MAPK4: variants seen among roughly 807,000 people sequenced by gnomAD.
MAPK4 encodes mitogen-activated protein kinase 4.
In MAPK4, 22 loss-of-function variants were observed where a neutral mutation model predicts 47.7. The observed-to-expected ratio is 0.46, with a 90% confidence interval of 0.33 to 0.66. The LOEUF is 0.66. Ranked by LOEUF, MAPK4 falls within the 30% of genes least tolerant of loss-of-function variation. MAPK4 has a pLI of 0.02. For missense variants in MAPK4, 736 were observed against 831.7 expected (o/e 0.88, Z 1.42); for synonymous variants, 390 against 365.7 (o/e 1.07, Z -0.76).
chr18:50,580,535 C>T (rs1180391995), intron 1 of MAPK4, among the ~76,000 whole-genome samples: 2 of 152,192 alleles, frequency 1.3e-5, no homozygotes, highest in African/African-American at 4.8e-5. Flanking sequence ...AATGTTTGTA[C>T]AAATGCCCAA....
intron 1 of MAPK4, among the ~76,000 whole-genome samples, chr18:50,639,665 A>G (rs2042921051): frequency 2.6e-5 from 4 of 152,240 alleles, no homozygotes; most frequent in Admixed American, 2.6e-4. Flanking sequence ...GTAACATTTT[A>G]TCACTTAGCG....
rs1171211396 is a variant in MAPK4, at chr18:50,664,907, C to A, written c.546+403C>A. ...AGGACACACCCTGAGGCTTCCCACCCTGTGAGCCTCATGCTCTGGTTGGTC... is the reference window on the plus strand; with the variant it reads ...AGGACACACCCTGAGGCTTCCCACCATGTGAGCCTCATGCTCTGGTTGGTC... On this transcript the variant is annotated intron_variant, in intron 2 of 5. Transcript: ENST00000400384. The surrounding 1 kb of genome is among the most constrained non-coding windows in gnomAD (Gnocchi z 6.0). Among the ~76,000 whole-genome samples, 1 of 152,220 alleles carries A rather than the reference C, an allele frequency of 6.6e-6. No homozygotes were observed. The highest frequency in any genetic ancestry group is 1.5e-5 in the Non-Finnish European group (1 of 68,034).
At chr18:50,723,612 C>T (rs1216526718) in intron 4 of MAPK4, among the ~76,000 whole-genome samples, 1 of 152,172 alleles carries the variant, frequency 6.6e-6, no homozygotes, top group African/African-American at 2.4e-5. Context: ...CCTGTAATCC[C>T]AGCACTTTGG....
chr18:50,701,272 A>G (rs1909773295), intron 2 of MAPK4, among the ~76,000 whole-genome samples: 2 of 141,538 alleles, frequency 1.4e-5, no homozygotes, highest in Admixed American at 1.6e-4. Context: ...ACTTAACCCC[A>G]AGGCCTCTCC....
chr18:50,658,409 A>C (rs771982229), intron 1 of MAPK4, among the ~76,000 whole-genome samples: 27 of 152,214 alleles, frequency 1.8e-4, no homozygotes, highest in Non-Finnish European at 3.4e-4. Flanking sequence ...TTGACATCCC[A>C]GATTCTTCAC....
intron 2 of MAPK4, among the ~76,000 whole-genome samples, chr18:50,675,666 A>C (rs1908223134): frequency 6.6e-6 from 1 of 151,850 alleles, no homozygotes; most frequent in African/African-American, 2.4e-5. Flanking sequence ...TAATTTTTAT[A>C]TTTTTAGTAG....
At chr18:50,646,556 G>A (rs1239821669) in intron 1 of MAPK4, among the ~76,000 whole-genome samples, 3 of 152,170 alleles carry the variant, frequency 2.0e-5, no homozygotes, top group East Asian at 1.9e-4. Context: ...GCAGAGGGAC[G>A]GGGGCTGCAA....
At chr18:50,634,996 G>A (rs2042871096) in intron 1 of MAPK4, among the ~76,000 whole-genome samples, 2 of 152,166 alleles carry the variant, frequency 1.3e-5, no homozygotes, top group African/African-American at 4.8e-5. Context: ...GACTCTCCAG[G>A]GGAAGGATCC....
At position 50,729,955 on chromosome 18, in the gene MAPK4, G is replaced by A; in HGVS notation, c.*101G>A. On this transcript the variant is annotated 3_prime_UTR_variant, in exon 6 of 6. Transcript: ENST00000400384. ...CCTTCCCGCCCCTCTCTGCTGCCTTGGGGTTGGCAGAACACGTGAAGGATC... is the reference window on the plus strand; with the variant it reads ...CCTTCCCGCCCCTCTCTGCTGCCTTAGGGTTGGCAGAACACGTGAAGGATC... 1 of 1,252,332 alleles carries A rather than the reference G, an allele frequency of 8.0e-7. No individual in the cohort carries two copies. The allele number at this position is 1,252,332 out of a possible 1,614,324, so 77.6% of individuals were successfully genotyped here.
At chr18:50,676,572 T>G (rs942588009) in intron 2 of MAPK4, among the ~76,000 whole-genome samples, 3 of 152,224 alleles carry the variant, frequency 2.0e-5, no homozygotes, top group Admixed American at 1.3e-4. Context: ...AAAAGTGACA[T>G]TCAAGCTGCA....
intron 3 of MAPK4, among the ~76,000 whole-genome samples, chr18:50,720,983 C>A (rs1000898720): frequency 6.6e-6 from 1 of 152,218 alleles, no homozygotes; most frequent in Non-Finnish European, 1.5e-5. Flanking sequence ...GGGGAGGGCC[C>A]TCTGTGCAGC....
intron 2 of MAPK4, among the ~76,000 whole-genome samples, chr18:50,676,420 A>G (rs977462891): frequency 1.3e-5 from 2 of 152,236 alleles, no homozygotes; most frequent in African/African-American, 4.8e-5. Flanking sequence ...ATCAATTTAC[A>G]TAGTTATATA....
intron 2 of MAPK4, among the ~76,000 whole-genome samples, chr18:50,688,439 A>G (rs1481526941): frequency 6.6e-6 from 1 of 152,218 alleles, no homozygotes; most frequent in African/African-American, 2.4e-5. Context: ...CCACTGGGGA[A>G]CATGACTTGA....
At chr18:50,584,067 G>A (rs2042369033) in intron 1 of MAPK4, among the ~76,000 whole-genome samples, 1 of 152,184 alleles carries the variant, frequency 6.6e-6, no homozygotes, top group Non-Finnish European at 1.5e-5. Context: ...ACTGAAGAGT[G>A]CCTGAAGTCT....
intron 1 of MAPK4, among the ~76,000 whole-genome samples, chr18:50,596,944 G>A (rs1217515539): frequency 6.6e-6 from 1 of 152,174 alleles, no homozygotes; most frequent in Admixed American, 6.5e-5. Flanking sequence ...AATGTCAGGT[G>A]TCATTATTTT....
chr18:50,708,740 G>A (rs1369252524), intron 2 of MAPK4, among the ~76,000 whole-genome samples: 1 of 152,144 alleles, frequency 6.6e-6, no homozygotes, highest in Non-Finnish European at 1.5e-5. Context: ...TATGTGCGAG[G>A]CAGTGGAGCC....
intron 1 of MAPK4, among the ~76,000 whole-genome samples, chr18:50,598,855 T>C (rs2042508710): frequency 6.6e-6 from 1 of 152,180 alleles, no homozygotes; most frequent in South Asian, 2.1e-4. Context: ...TTTATCATAA[T>C]TATATTGGGG....
chr18:50,715,364 A>G, intron 3 of MAPK4, 141 bp downstream of exon 3: 1 of 1,045,034 alleles, frequency 9.6e-7, no homozygotes, highest in Non-Finnish European at 1.3e-6. Context: ...CACTATTTGG[A>G]GGCACCTTAT....
intron 2 of MAPK4, among the ~76,000 whole-genome samples, chr18:50,700,653 C>G (rs1909740473): frequency 6.6e-6 from 1 of 152,202 alleles, no homozygotes; most frequent in Admixed American, 6.5e-5. Context: ...TGCCTCTTCC[C>G]CTCCTCAGAG....
Sources: allele counts gnomAD v4.1 joint callset (sites outside exome capture counted in the v4.1 genomes callset), GRCh38; gene constraint gnomAD v4.1.1; non-coding constraint Gnocchi (gnomAD v3.1); transcripts MANE v1.5; gene names NCBI Gene and HGNC (gene_info 2026-07-23, HGNC 2026-07-21).